Variants in NFX1 observed in about 807,000 individuals in gnomAD.
The protein encoded by NFX1 is nuclear transcription factor, X-box binding 1, also known as transcriptional repressor NF-X1.
A neutral mutation model predicts 137.2 loss-of-function variants in NFX1; 69 were observed. The ratio of observed to expected loss-of-function variants is 0.50; its 90% CI spans 0.41 to 0.61. The LOEUF is 0.61. Ranked by LOEUF, NFX1 falls within the 20% of genes least tolerant of loss-of-function variation. The probability of loss-of-function intolerance (pLI) is 0.00; values close to 1 mark genes in which losing one functional copy is unlikely to be tolerated. For missense variants in NFX1, 1,167 were observed against 1,391.0 expected (o/e 0.84, Z 2.56); for synonymous variants, 495 against 474.1 (o/e 1.04, Z -0.57).
chr9:33,317,428 A>G (rs976888072), intron 7 of NFX1, among the ~76,000 whole-genome samples: 5 of 150,248 alleles, frequency 3.3e-5, no homozygotes, highest in Non-Finnish European at 5.9e-5. Context: ...CCAAAAAAAA[A>G]AAAAAAAGAA....
rs1283477345 is a variant in NFX1, at chr9:33,319,018, T to C, written c.1797T>C (p.Thr599=). The change falls in exon 9 of 24, where the codon ACT becomes ACC. Residue 599 remains threonine (T), a synonymous_variant. Transcript: ENST00000379540. ...QLVRCCPCGQ[T]PLSQLLELGS... ...TGCGCTGTTGCCCCTGTGGCCAAAC[T>C]CCTCTCAGCCAATTGCTAGAACTTG... The C allele has an allele frequency of 6.2e-7, 1 of 1,614,156 alleles. No homozygotes were observed. Among genetic ancestry groups the C allele is most frequent in the South Asian group, 1.1e-5 (1 of 91,088 alleles).
At chr9:33,317,685 C>A (rs974512828) in intron 7 of NFX1, among the ~76,000 whole-genome samples, 2 of 150,938 alleles carry the variant, frequency 1.3e-5, no homozygotes, top group Admixed American at 1.3e-4. Flanking sequence ...AATCTAGAGT[C>A]TTAATTATGG....
chr9:33,342,506 A>G (rs1587860151), intron 12 of NFX1, among the ~76,000 whole-genome samples: 1 of 152,256 alleles, frequency 6.6e-6, no homozygotes, highest in Non-Finnish European at 1.5e-5. Context: ...AAGCAGAGAG[A>G]CTACTAGTAT....
At chr9:33,315,749 A>C (rs556357362) in intron 7 of NFX1, among the ~76,000 whole-genome samples, 1 of 151,262 alleles carries the variant, frequency 6.6e-6, no homozygotes, top group South Asian at 2.1e-4. Context: ...AAAATTAGCC[A>C]GACATGGTGG....
At chr9:33,369,306 G>A (rs1228561829) in intron 23 of NFX1, among the ~76,000 whole-genome samples, 2 of 152,076 alleles carry the variant, frequency 1.3e-5, no homozygotes, top group Admixed American at 6.6e-5. Flanking sequence ...CTCGTGATCC[G>A]TCCGCCTTGG....
chr9:33,332,797 A>G (rs1320870331), intron 11 of NFX1: 6 of 318,450 alleles, frequency 1.9e-5, no homozygotes, highest in South Asian at 1.1e-4. Flanking sequence ...TGTTAATGGT[A>G]GAATCTAGAT....
rs1420423400 is a variant in NFX1 at position 33,369,986 on chromosome 9, A to G, written c.*8A>G. 1.9e-6 allele frequency: 3 copies of G among 1,603,060 alleles called. No individual in the cohort carries two copies. The highest frequency in any genetic ancestry group is 2.6e-6 in the Non-Finnish European group (3 of 1,170,604). On this transcript the variant is annotated 3_prime_UTR_variant, in exon 24 of 24. Coordinates refer to ENST00000379540, the MANE Select transcript of NFX1 (RefSeq NM_002504.6). ...TTTGACGTCCAGGACTAAGAAGATC[A>G]TGATGCACTTAGATAAAAGAATGAT...
intron 17 of NFX1, chr9:33,353,010 T>C: frequency 1.9e-5 from 6 of 322,164 alleles, no homozygotes; most frequent in Non-Finnish European, 3.5e-5. Context: ...CCCAAAGTGC[T>C]GGGATCACAG....
At chr9:33,367,647 G>T (rs1028303283) in intron 23 of NFX1, 28 bp downstream of exon 23, 6 of 1,606,492 alleles carry the variant, frequency 3.7e-6, no homozygotes, top group African/African-American at 1.3e-5. Context: ...CTTTCCAAGG[G>T]GACCTGTCTG....
At chr9:33,333,675 C>T (rs1587850894) in intron 11 of NFX1, among the ~76,000 whole-genome samples, 1 of 152,170 alleles carries the variant, frequency 6.6e-6, no homozygotes, top group South Asian at 2.1e-4. Context: ...CAACATCCAC[C>T]CCTGGAACTG....
chr9:33,368,205 A>G (rs1232355097), intron 23 of NFX1, among the ~76,000 whole-genome samples: 1 of 151,944 alleles, frequency 6.6e-6, no homozygotes, highest in African/African-American at 2.4e-5. Context: ...ACTGCACTCC[A>G]CCCTGGGCGA....
intron 1 of NFX1, among the ~76,000 whole-genome samples, chr9:33,293,219 T>C (rs1402383606): frequency 6.6e-6 from 1 of 152,238 alleles, no homozygotes; most frequent in Non-Finnish European, 1.5e-5. Flanking sequence ...CTCTCTGTGC[T>C]TCAGTTTTCT....
intron 5 of NFX1, among the ~76,000 whole-genome samples, chr9:33,310,831 C>A (rs1587828883): frequency 6.6e-6 from 1 of 152,184 alleles, no homozygotes; most frequent in African/African-American, 2.4e-5. Context: ...TTGAAAATGT[C>A]ATCTTTGACT....
chr9:33,354,837 A>G lies in NFX1; in HGVS notation c.2832-14A>G, dbSNP rs1161292359. On this transcript the variant is annotated splice_polypyrimidine_tract_variant and intron_variant, in intron 18 of 23. Transcript: ENST00000379540. Reference sequence around the variant, plus strand: ...TGTATTCTGACTTTAATTTTTTTTCATTTGCTTATCAAGGCTGGAGTGTGA... The same window carrying G: ...TGTATTCTGACTTTAATTTTTTTTCGTTTGCTTATCAAGGCTGGAGTGTGA... The G allele has an allele frequency of 6.2e-7, 1 of 1,609,706 alleles. No homozygotes were observed. The highest frequency in any genetic ancestry group is 1.7e-4 in the Middle Eastern group (1 of 6,038).
rs1364167691 is a variant in NFX1, at chr9:33,313,680, T to A, written c.1475T>A (p.Val492Asp). ...CACACAGTTCGCTGTGGTCAGGCTG[T>A]CTCAGTCCACTGTTCTAACCCATGT... is the stretch of plus-strand genomic sequence containing the variant. ...TRHTVRCGQAVSVHCSNPCEN... is the reference protein window; with the variant it reads ...TRHTVRCGQADSVHCSNPCEN... Residue 492 changes from valine to aspartate, a missense_variant, in exon 7 of 24, where the codon GTC becomes GAC. By Grantham distance (152) the Val-to-Asp change is radical. This residue lies in a region of NFX1 where 488 missense variants were observed against 691.5 expected (regional missense o/e 0.71). Coordinates refer to ENST00000379540, the MANE Select transcript of NFX1 (RefSeq NM_002504.6). 2 of 1,614,160 alleles carry A rather than the reference T, an allele frequency of 1.2e-6. No homozygotes were observed. The highest frequency in any genetic ancestry group is 2.7e-5 in the African/African-American group (2 of 75,052).
intron 4 of NFX1, among the ~76,000 whole-genome samples, chr9:33,304,445 T>C (rs1430992118): frequency 2.0e-5 from 3 of 152,186 alleles, no homozygotes; most frequent in African/African-American, 7.2e-5. Flanking sequence ...TCCTTATTTT[T>C]CTAACCAATT....
intron 2 of NFX1, among the ~76,000 whole-genome samples, chr9:33,300,728 G>A (rs953451446): frequency 6.6e-6 from 1 of 152,192 alleles, no homozygotes; most frequent in Non-Finnish European, 1.5e-5. Flanking sequence ...CACCACCATG[G>A]GGCTTATGGT....
chr9:33,300,572 C>G (rs1014340055), intron 2 of NFX1, among the ~76,000 whole-genome samples: 1 of 152,120 alleles, frequency 6.6e-6, no homozygotes. Flanking sequence ...GTATTGAAAT[C>G]TAGAAAGACT....
intron 18 of NFX1, 91 bp from the exon 19 acceptor site, chr9:33,354,760 C>A: frequency 8.0e-7 from 1 of 1,242,806 alleles, no homozygotes; most frequent in Non-Finnish European, 1.1e-6. Flanking sequence ...GTCAGCTGTG[C>A]TTCCAGGTTG....
Sources: gnomAD v4.1 joint callset for allele counts (sites outside exome capture counted in the v4.1 genomes callset) on GRCh38, gnomAD v4.1.1 for gene constraint, gnomAD v4.1.1 regional missense constraint, MANE v1.5 for transcripts, NCBI Gene and HGNC (gene_info 2026-07-23, HGNC 2026-07-21) for gene names.